The following ODAD2 variants were observed in gnomAD, a reference collection of about 807,000 sequenced individuals.
The protein encoded by ODAD2 is outer dynein arm docking complex subunit 2.
Under a neutral mutation model 106.8 loss-of-function variants are expected in ODAD2, and 89 were observed. That is an observed-to-expected ratio of 0.83 (90% CI 0.70 to 0.99). The LOEUF is 0.99. Ranked by LOEUF, ODAD2 falls within the 50% of genes least tolerant of loss-of-function variation. The pLI, the probability that ODAD2 is intolerant of heterozygous loss-of-function variation, is 0.00. For synonymous variants in ODAD2, 404 were observed against 436.2 expected, an observed-to-expected ratio of 0.93 and a Z score of 0.92; for missense variants, 1,168 against 1,238.5, an observed-to-expected ratio of 0.94 and a Z score of 0.85.
chr10:27,915,659 A>G (rs1461245260), intron 16 of ODAD2, among the ~76,000 whole-genome samples: 1 of 152,136 alleles, frequency 6.6e-6, no homozygotes, highest in African/African-American at 2.4e-5. Flanking sequence ...AGACAATAGA[A>G]TGGCATTTAT....
intron 10 of ODAD2, among the ~76,000 whole-genome samples, chr10:27,952,394 A>T (rs1042589467): frequency 1.5e-4 from 22 of 146,926 alleles, no homozygotes; most frequent in Admixed American, 4.1e-4. Context: ...TTTTTATTTT[A>T]TTTTTTTTTT....
chr10:27,841,217 A>AT lies in ODAD2; in HGVS notation c.3021+19407dup, dbSNP rs1838280534. Among the ~76,000 whole-genome samples the AT allele has an allele frequency of 2.0e-5, 3 of 152,086 alleles. No homozygotes were observed. The South Asian group carries it at 6.2e-4, about 31-fold the overall frequency. On this transcript the variant is annotated intron_variant, in intron 19 of 19. Coordinates refer to ENST00000305242, the MANE Select transcript of ODAD2 (RefSeq NM_018076.5). ...AAAAATGGGCTTGCTAGCAACTGTT[A>AT]TTACTATGATTATTTCCCTCTTTGT...
intron 10 of ODAD2, among the ~76,000 whole-genome samples, chr10:27,947,152 C>T (rs372389546): frequency 2.6e-5 from 4 of 152,134 alleles, no homozygotes; most frequent in Admixed American, 1.3e-4. Flanking sequence ...CACCAATTTT[C>T]GTACAGTTGG....
In ODAD2 at chr10:27,983,887, T is replaced by A. The variant is rs770527140; in HGVS notation, c.775A>T (p.Thr259Ser). Residue 259 changes from threonine to serine, a missense_variant, in exon 6 of 20, where the codon ACT (threonine) becomes TCT (serine). Coordinates refer to ENST00000305242, the MANE Select transcript of ODAD2 (RefSeq NM_018076.5). ...YVLVKPHDGE[T>S]LCITCSAGGV... ...CCTGCACTGCAAGTAATGCACAGAG[T>A]CTCACCATCGTGAGGTTTCACCAGC... The A allele has an allele frequency of 1.4e-5, 22 of 1,612,664 alleles. No homozygotes were observed. Among genetic ancestry groups the A allele is most frequent in the Non-Finnish European group, 1.9e-5 (22 of 1,179,640 alleles).
At chr10:27,930,974 C>T (rs1590054197) in intron 16 of ODAD2, among the ~76,000 whole-genome samples, 3 of 152,282 alleles carry the variant, frequency 2.0e-5, no homozygotes, top group East Asian at 3.9e-4. Flanking sequence ...GCTGGAAGGC[C>T]GCTATAGACA....
intron 17 of ODAD2, among the ~76,000 whole-genome samples, chr10:27,880,937 G>A (rs895107930): frequency 3.9e-5 from 6 of 152,136 alleles, no homozygotes; most frequent in East Asian, 1.9e-4. Context: ...AGATTTCTAC[G>A]TGAACCCAAT....
chr10:27,885,785 T>A (rs12356786), intron 17 of ODAD2, among the ~76,000 whole-genome samples: 3 of 27,222 alleles, frequency 1.1e-4, no homozygotes, highest in Non-Finnish European at 1.4e-4. Flanking sequence ...AAAATATATA[T>A]TATATATAAT....
intron 10 of ODAD2, among the ~76,000 whole-genome samples, chr10:27,947,710 T>C (rs1220920572): frequency 6.6e-6 from 1 of 151,808 alleles, no homozygotes; most frequent in African/African-American, 2.4e-5. Flanking sequence ...CAAGAGAGAG[T>C]TATTTAGGCG....
At chr10:27,834,018 G>A (rs914014008) in intron 19 of ODAD2, among the ~76,000 whole-genome samples, 3 of 152,196 alleles carry the variant, frequency 2.0e-5, no homozygotes, top group African/African-American at 7.2e-5. Context: ...GCAGCACCAA[G>A]GTGCTGGCCA....
chr10:27,940,101 G>T, intron 13 of ODAD2, 94 bp from the exon 14 acceptor site: 1 of 796,892 alleles, frequency 1.3e-6, no homozygotes, highest in Non-Finnish European at 2.0e-6. Flanking sequence ...AACTTTCTTA[G>T]GAAATAATCA....
intron 17 of ODAD2, among the ~76,000 whole-genome samples, chr10:27,899,574 C>A (rs1361468734): frequency 6.6e-6 from 1 of 152,198 alleles, no homozygotes; most frequent in Non-Finnish European, 1.5e-5. Flanking sequence ...GCTTGAAATT[C>A]TCGCTGTGAG....
intron 16 of ODAD2, among the ~76,000 whole-genome samples, chr10:27,910,868 T>C (rs868734095): frequency 5.9e-5 from 9 of 152,206 alleles, no homozygotes; most frequent in African/African-American, 2.2e-4. Context: ...AATAGTGAAC[T>C]ACCCTTCCTA....
At chr10:27,981,403 C>T (rs1849535488) in intron 7 of ODAD2, 63 bp downstream of exon 7, 1 of 1,385,340 alleles carries the variant, frequency 7.2e-7, no homozygotes, top group Middle Eastern at 2.7e-4. Flanking sequence ...TTTCTTGTAC[C>T]ATAGAAAGTT....
chr10:27,908,095 T>C (rs1011910426), intron 16 of ODAD2, among the ~76,000 whole-genome samples: 1 of 152,194 alleles, frequency 6.6e-6, no homozygotes, highest in Admixed American at 6.5e-5. Context: ...CGGGTTTCTT[T>C]CATATAGTAA....
chr10:27,910,338 T>C (rs1187828588), intron 16 of ODAD2, among the ~76,000 whole-genome samples: 1 of 152,178 alleles, frequency 6.6e-6, no homozygotes, highest in East Asian at 1.9e-4. Flanking sequence ...TGGCTTCCCG[T>C]TGCCTTCATG....
intron 17 of ODAD2, among the ~76,000 whole-genome samples, chr10:27,899,537 C>T (rs182378996): frequency 9.3e-5 from 14 of 150,858 alleles, no homozygotes; most frequent in South Asian, 4.2e-4. Context: ...CCCACTCCCA[C>T]GGAGCCCAGC....
At chr10:27,995,217 C>A in intron 1 of ODAD2, 37 bp from the exon 2 acceptor site, 1 of 1,550,526 alleles carries the variant, frequency 6.4e-7, no homozygotes, top group South Asian at 1.2e-5. Context: ...ACAACAGCGT[C>A]CACCTTTTCC....
At chr10:27,844,543 C>T (rs1029254441) in intron 19 of ODAD2, among the ~76,000 whole-genome samples, 10 of 152,190 alleles carry the variant, frequency 6.6e-5, no homozygotes, top group African/African-American at 2.4e-4. Flanking sequence ...AGCCTCTAAA[C>T]CCACGCTCCT....
chr10:27,911,864 C>A (rs909545697), intron 16 of ODAD2, among the ~76,000 whole-genome samples: 1 of 152,164 alleles, frequency 6.6e-6, no homozygotes, highest in South Asian at 2.1e-4. Context: ...TCCCACCACA[C>A]TCCCAGCAGG....
Sources: allele counts gnomAD v4.1 joint callset (sites outside exome capture counted in the v4.1 genomes callset), GRCh38; gene constraint gnomAD v4.1.1; transcripts MANE v1.5; gene names NCBI Gene and HGNC (gene_info 2026-07-23, HGNC 2026-07-21).